Variants in WWOX observed in about 807,000 individuals in gnomAD.
WWOX encodes WW domain containing oxidoreductase.
A neutral mutation model predicts 46.2 loss-of-function variants in WWOX; 69 were observed. That is an observed-to-expected ratio of 1.49 (90% CI 1.23 to 1.82). WWOX has a LOEUF of 1.82. WWOX is among the 40% of genes most tolerant of loss of function. The pLI, the probability that WWOX is intolerant of heterozygous loss-of-function variation, is 0.00. For missense variants in WWOX, 919 were observed against 542.6 expected, an observed-to-expected ratio of 1.69 and a Z score of -6.89; for synonymous variants, 359 against 202.6, an observed-to-expected ratio of 1.77 and a Z score of -6.56.
intron 8 of WWOX, among the ~76,000 whole-genome samples, chr16:78,916,458 G>A (rs2045254448): frequency 6.6e-6 from 1 of 152,204 alleles, no homozygotes; most frequent in Admixed American, 6.5e-5. Flanking sequence ...TATCGCTAAA[G>A]AGAATTTGGG....
intron 8 of WWOX, among the ~76,000 whole-genome samples, chr16:79,189,146 G>A (rs951551583): frequency 5.3e-5 from 8 of 152,126 alleles, no homozygotes; most frequent in Admixed American, 2.0e-4. Context: ...CTGGGACATT[G>A]GACTTTCTGT....
At chr16:79,154,065 C>T (rs755256673) in intron 8 of WWOX, among the ~76,000 whole-genome samples, 3 of 152,180 alleles carry the variant, frequency 2.0e-5, no homozygotes, top group African/African-American at 4.8e-5. Flanking sequence ...CCTTTGGCCT[C>T]CATTCTAACA....
At chr16:78,882,239 T>C (rs772889762) in intron 8 of WWOX, among the ~76,000 whole-genome samples, 1 of 152,246 alleles carries the variant, frequency 6.6e-6, no homozygotes, top group South Asian at 2.1e-4. Context: ...GTATAGTATG[T>C]TATAGTTTTC....
intron 8 of WWOX, among the ~76,000 whole-genome samples, chr16:78,985,538 GT>G (rs1176777351): frequency 6.6e-6 from 1 of 152,092 alleles, no homozygotes; most frequent in Non-Finnish European, 1.5e-5. Flanking sequence ...GGAGGCCAAG[GT>G]GGGAGGATCA....
In WWOX at chr16:78,936,969, A is replaced by G. The variant is rs563405765; in HGVS notation, c.1057-274639A>G. 3.9e-5 allele frequency among the ~76,000 whole-genome samples: 6 copies of G among 152,302 alleles called. No homozygotes were observed. In the East Asian group the frequency reaches 9.6e-4, roughly 24 times the overall value. On this transcript the variant is annotated intron_variant, in intron 8 of 8. Coordinates refer to ENST00000566780, the MANE Select transcript of WWOX (RefSeq NM_016373.4). The stretch of plus-strand genomic sequence containing the variant: ...GATGCTTTTTAAAGCATATTAATCC[A>G]TTAGTAATCCATTTGGATTTGGGAA...
chr16:78,820,692 C>A (rs889054980), intron 8 of WWOX, among the ~76,000 whole-genome samples: 5 of 152,102 alleles, frequency 3.3e-5, no homozygotes, highest in African/African-American at 9.7e-5. Flanking sequence ...GTTTCCTGGG[C>A]CTGCCATAAC....
At chr16:78,776,341 C>T (rs1168456756) in intron 8 of WWOX, among the ~76,000 whole-genome samples, 2 of 151,854 alleles carry the variant, frequency 1.3e-5, no homozygotes, top group Non-Finnish European at 2.9e-5. Flanking sequence ...GCATCTCGTG[C>T]GAAGCCCCTC....
chr16:78,652,530 G>T (rs537122944), intron 8 of WWOX, among the ~76,000 whole-genome samples: 2 of 151,630 alleles, frequency 1.3e-5, no homozygotes, highest in African/African-American at 4.9e-5. Context: ...AAATTATGCA[G>T]ACCCCTCAGC....
chr16:78,885,656 G>T (rs931334281), intron 8 of WWOX, among the ~76,000 whole-genome samples: 1 of 152,112 alleles, frequency 6.6e-6, no homozygotes, highest in Non-Finnish European at 1.5e-5. Context: ...GTAGACTGGA[G>T]AATTTATGTA....
intron 8 of WWOX, among the ~76,000 whole-genome samples, chr16:79,009,717 C>G (rs1026855509): frequency 6.6e-6 from 1 of 152,154 alleles, no homozygotes; most frequent in Non-Finnish European, 1.5e-5. Flanking sequence ...TCCCAAAGTG[C>G]TGGGATTACA....
intron 8 of WWOX, among the ~76,000 whole-genome samples, chr16:78,528,450 G>C (rs1243191872): frequency 6.6e-6 from 1 of 151,910 alleles, no homozygotes; most frequent in East Asian, 1.9e-4. Context: ...GCTAATTAGG[G>C]TGTTTTGTTG....
intron 8 of WWOX, among the ~76,000 whole-genome samples, chr16:79,171,755 G>C (rs1274311196): frequency 2.6e-5 from 4 of 152,058 alleles, no homozygotes; most frequent in African/African-American, 7.2e-5. Context: ...ATGGAAACGA[G>C]TAAAGTTCAT....
At chr16:78,543,498 C>A (rs2043950590) in intron 8 of WWOX, among the ~76,000 whole-genome samples, 1 of 152,220 alleles carries the variant, frequency 6.6e-6, no homozygotes, top group South Asian at 2.1e-4. Context: ...ATTGCAGCTT[C>A]CACCCATGCA....
chr16:78,681,851 G>A (rs751541085), intron 8 of WWOX, among the ~76,000 whole-genome samples: 6 of 152,140 alleles, frequency 3.9e-5, no homozygotes, highest in African/African-American at 1.2e-4. Context: ...GTGAGACTCC[G>A]CTGGAGAGCT....
chr16:78,324,931 A>G (rs79706995), intron 5 of WWOX, among the ~76,000 whole-genome samples: 11,042 of 152,280 alleles, frequency 0.073, 552 homozygotes, highest in East Asian at 0.25. Context: ...TGTCAATTAT[A>G]TCTCAATAAA....
At chr16:78,736,166 A>C (rs1034634104) in intron 8 of WWOX, among the ~76,000 whole-genome samples, 3 of 152,208 alleles carry the variant, frequency 2.0e-5, no homozygotes, top group African/African-American at 7.2e-5. Flanking sequence ...TGTGGTCTCA[A>C]ATGAAGTCTG....
intron 8 of WWOX, among the ~76,000 whole-genome samples, chr16:78,702,665 A>AC (rs1555519729): frequency 8.8e-6 from 1 of 114,260 alleles, no homozygotes; most frequent in Non-Finnish European, 2.0e-5. Flanking sequence ...AAAAAAAAGA[A>AC]CAAAAAAAAA....
At chr16:78,772,479 A>G (rs1264128889) in intron 8 of WWOX, among the ~76,000 whole-genome samples, 1 of 152,034 alleles carries the variant, frequency 6.6e-6, no homozygotes, top group Non-Finnish European at 1.5e-5. Flanking sequence ...TAGACGTGTA[A>G]TTCTTCTTGG....
chr16:78,668,392 C>A (rs147910582), intron 8 of WWOX, among the ~76,000 whole-genome samples: 14 of 152,304 alleles, frequency 9.2e-5, no homozygotes, highest in African/African-American at 3.4e-4. Context: ...AGGGCAAGGA[C>A]CACAAGATAA....
Sources: gnomAD v4.1 joint callset for allele counts (sites outside exome capture counted in the v4.1 genomes callset) on GRCh38, gnomAD v4.1.1 for gene constraint, MANE v1.5 for transcripts, NCBI Gene and HGNC (gene_info 2026-07-23, HGNC 2026-07-21) for gene names.